The following PDK1 variants were observed in gnomAD, a reference collection of about 807,000 sequenced individuals.
PDK1 encodes the protein [Pyruvate dehydrogenase (acetyl-transferring)] kinase isozyme 1, mitochondrial.
In PDK1, 39 loss-of-function variants were observed where a neutral mutation model predicts 54.2. The ratio of observed to expected loss-of-function variants is 0.72; its 90% CI spans 0.56 to 0.94. The LOEUF (loss-of-function observed/expected upper bound fraction) is 0.94. Among genes scored for constraint, PDK1 ranks in the 40% least tolerant of loss-of-function variants. PDK1 has a pLI of 0.00. For missense variants in PDK1, 552 were observed against 566.0 expected, an observed-to-expected ratio of 0.98 and a Z score of 0.25; for synonymous variants, 221 against 207.1, an observed-to-expected ratio of 1.07 and a Z score of -0.58.
Position 172,562,309 on chromosome 2 carries a change from A to T in PDK1, c.410+18A>T. The T allele has an allele frequency of 6.7e-7, 1 of 1,500,656 alleles. No individual in the cohort carries two copies. Among genetic ancestry groups the T allele is most frequent in the Non-Finnish European group, 9.3e-7 (1 of 1,080,886 alleles). The allele number at this position is 1,500,656 out of a possible 1,614,324, so 93.0% of individuals were successfully genotyped here. ...ATTTATGAGTAAGTTCACTATTTTG[A>T]CCCTATTCTTAAACCTATTATTAGG... On this transcript the variant is annotated intron_variant, in intron 3 of 10. Transcript: ENST00000282077.
chr2:172,699,760 A>AT, the PDK1 span, among the ~76,000 whole-genome samples: 57 of 122,302 alleles, frequency 4.7e-4, 1 homozygote, highest in Admixed American at 8.7e-4. Flanking sequence ...TTTTATTATT[A>AT]TTTTTTTTTT....
At chr2:172,625,796 G>A in the PDK1 span, among the ~76,000 whole-genome samples, 7 of 152,102 alleles carry the variant, frequency 4.6e-5, no homozygotes, top group East Asian at 3.9e-4. Flanking sequence ...CCAGGGCCTC[G>A]AACAATGCCT....
chr2:172,576,414 T>A (rs948052031), intron 8 of PDK1, among the ~76,000 whole-genome samples: 9 of 152,088 alleles, frequency 5.9e-5, no homozygotes, highest in Non-Finnish European at 1.2e-4. Flanking sequence ...AGCTAAATAC[T>A]TATCAATTTT....
At chr2:172,559,398 G>A (rs1315433148) in intron 2 of PDK1, among the ~76,000 whole-genome samples, 1 of 152,142 alleles carries the variant, frequency 6.6e-6, no homozygotes, top group Non-Finnish European at 1.5e-5. Flanking sequence ...CTAAATTTAG[G>A]ATTTATGTTA....
chr2:172,603,190 T>G lies in PDK1; in HGVS notation c.*7221T>G, dbSNP rs1691172539. On this transcript the variant is annotated 3_prime_UTR_variant, in exon 11 of 11. Coordinates refer to ENST00000282077, the MANE Select transcript of PDK1 (RefSeq NM_002610.5). Reference sequence around the variant, plus strand: ...CTAAAGGTTGTGAGATAAACTGCTTTTAGCAGCCCAAAGGGCCAGCTGGAA... The same window carrying G: ...CTAAAGGTTGTGAGATAAACTGCTTGTAGCAGCCCAAAGGGCCAGCTGGAA... 1 of 152,160 alleles carries G rather than the reference T, an allele frequency of 6.6e-6. No homozygotes were observed. Among genetic ancestry groups the G allele is most frequent in the African/African-American group, 2.4e-5 (1 of 41,444 alleles). 9.4% of individuals were successfully genotyped at this position (152,160 alleles called of 1,614,324 possible).
the PDK1 span, among the ~76,000 whole-genome samples, chr2:172,688,907 C>T: frequency 2.0e-5 from 3 of 152,148 alleles, no homozygotes; most frequent in East Asian, 1.9e-4. Context: ...TTCATGGTCT[C>T]GCTGACTTCA....
At chr2:172,610,298 G>A (rs776722414), downstream of PDK1, among the ~76,000 whole-genome samples, 9 of 152,104 alleles carry the variant, frequency 5.9e-5, no homozygotes, top group Non-Finnish European at 1.3e-4. Flanking sequence ...TTGTTCTACA[G>A]TCACTATTTG....
downstream of PDK1, among the ~76,000 whole-genome samples, chr2:172,612,800 C>G (rs1691503841): frequency 1.3e-5 from 2 of 152,050 alleles, no homozygotes; most frequent in African/African-American, 4.8e-5. Context: ...GCTGGGATTA[C>G]AGAGGCATGC....
the PDK1 span, among the ~76,000 whole-genome samples, chr2:172,634,460 A>G: frequency 6.6e-6 from 1 of 151,450 alleles, no homozygotes; most frequent in Non-Finnish European, 1.5e-5. Flanking sequence ...TTTAGTAGAG[A>G]CAGGGTTTCA....
At chr2:172,563,342 G>C (rs930432590) in intron 3 of PDK1, among the ~76,000 whole-genome samples, 1 of 152,088 alleles carries the variant, frequency 6.6e-6, no homozygotes, top group African/African-American at 2.4e-5. Context: ...GAAGAGTTTT[G>C]TTGTTTGTAT....
intron 8 of PDK1, among the ~76,000 whole-genome samples, chr2:172,583,174 T>G (rs1381255734): frequency 6.6e-6 from 1 of 151,990 alleles, no homozygotes; most frequent in Non-Finnish European, 1.5e-5. Flanking sequence ...ATTAACAAAT[T>G]GATGGATTTC....
chr2:172,568,903 C>T lies in PDK1; in HGVS notation c.846+86C>T, dbSNP rs935018383. 8 of 781,676 alleles carry T rather than the reference C, an allele frequency of 1.0e-5. No individual in the cohort carries two copies. The African/African-American group carries it at 1.4e-4, about 13-fold the overall frequency. 48.4% of individuals were successfully genotyped at this position (781,676 alleles called of 1,614,324 possible). A position where few individuals can be genotyped will look rare whatever the true frequency, so the allele number is the denominator to read the frequency against. ...TGAAAGCCAAATATTCCACTAGGTT[C>T]TCCTATTAAGAAGTGCCATTTCACA... On this transcript the variant is annotated intron_variant, in intron 7 of 10. Transcript: ENST00000282077.
the PDK1 span, among the ~76,000 whole-genome samples, chr2:172,711,242 T>C: frequency 6.6e-6 from 1 of 152,220 alleles, no homozygotes; most frequent in Non-Finnish European, 1.5e-5. Flanking sequence ...GAAAGAGCCA[T>C]AGTGTGTCAG....
downstream of PDK1, among the ~76,000 whole-genome samples, chr2:172,612,527 G>A (rs1030139841): frequency 1.3e-5 from 2 of 151,896 alleles, no homozygotes; most frequent in Admixed American, 6.6e-5. Flanking sequence ...ACACATGGTC[G>A]AAGGTGATAG....
chr2:172,593,159 A>T (rs1213785564), intron 10 of PDK1, 111 bp downstream of exon 10: 2 of 550,264 alleles, frequency 3.6e-6, no homozygotes, highest in East Asian at 6.8e-5. Context: ...AATAGAAAAA[A>T]ACTATGGTTT....
chr2:172,707,522 G>T, the PDK1 span, among the ~76,000 whole-genome samples: 12 of 152,272 alleles, frequency 7.9e-5, no homozygotes, highest in African/African-American at 2.6e-4. Flanking sequence ...GGTGCTTCCA[G>T]GCTGCCAGCT....
At chr2:172,639,546 A>G in the PDK1 span, among the ~76,000 whole-genome samples, 1 of 152,232 alleles carries the variant, frequency 6.6e-6, no homozygotes, top group South Asian at 2.1e-4. Context: ...ACATAAAACC[A>G]CAAAATATGC....
the PDK1 span, among the ~76,000 whole-genome samples, chr2:172,630,660 C>T: frequency 2.0e-5 from 3 of 149,632 alleles, no homozygotes; most frequent in African/African-American, 7.4e-5. Flanking sequence ...GACAGGGCCT[C>T]ATTCTGTCTT....
rs765005051 is a variant in PDK1 at position 172,571,823 on chromosome 2, C to CGTTTTTTTTTTT, written c.945+999_945+1000insGTTTTTTTTTTT. 5.4e-4 allele frequency among the ~76,000 whole-genome samples: 54 copies of CGTTTTTTTTTTT among 99,798 alleles called. 7 individuals are homozygous for CGTTTTTTTTTTT. The highest frequency in any genetic ancestry group is 9.0e-4 in the African/African-American group (23 of 25,622). 65.5% of individuals were successfully genotyped at this position (99,798 alleles called of 152,430 possible). A position where few individuals can be genotyped will look rare whatever the true frequency, so the allele number is the denominator to read the frequency against. On this transcript the variant is annotated intron_variant, in intron 8 of 10. Coordinates refer to ENST00000282077, the MANE Select transcript of PDK1 (RefSeq NM_002610.5). ...CTCAGAGATTCTTAGTCTTTCTTTA[C>CGTTTTTTTTTTT]TTTTTTTTTTTTTTTTTTTTTTTTT...
Sources: gnomAD v4.1 joint callset for allele counts (sites outside exome capture counted in the v4.1 genomes callset) on GRCh38, gnomAD v4.1.1 for gene constraint, MANE v1.5 for transcripts, NCBI Gene and HGNC (gene_info 2026-07-23, HGNC 2026-07-21) for gene names.